Variants in PTPRN2 observed in about 807,000 individuals in gnomAD.
PTPRN2 encodes the protein receptor-type tyrosine-protein phosphatase N2.
Under a neutral mutation model 118.8 loss-of-function variants are expected in PTPRN2, and 74 were observed. The ratio of observed to expected loss-of-function variants is 0.62; its 90% CI spans 0.52 to 0.76. The LOEUF (loss-of-function observed/expected upper bound fraction) is 0.76, where lower values mean the gene tolerates loss of function less well. Ranked by LOEUF, PTPRN2 falls within the 30% of genes least tolerant of loss-of-function variation. The pLI, the probability that PTPRN2 is intolerant of heterozygous loss-of-function variation, is 0.00. For missense variants in PTPRN2, 1,481 were observed against 1,394.4 expected (o/e 1.06, Z -0.99); for synonymous variants, 641 against 608.0 (o/e 1.05, Z -0.80).
intron 1 of PTPRN2, among the ~76,000 whole-genome samples, chr7:158,540,970 C>T (rs762697708): frequency 3.3e-5 from 5 of 152,218 alleles, no homozygotes; most frequent in Non-Finnish European, 5.9e-5. Flanking sequence ...TCCCTACTAC[C>T]ACCTGCAGGA....
intron 5 of PTPRN2, among the ~76,000 whole-genome samples, chr7:158,190,774 C>T (rs546788713): frequency 1.0e-3 from 154 of 152,400 alleles, no homozygotes; most frequent in African/African-American, 3.7e-3. Context: ...CCCGTGGCCC[C>T]TGCATGGCTC....
At chr7:157,570,187 T>C (rs1208359574) in intron 20 of PTPRN2, among the ~76,000 whole-genome samples, 2 of 152,286 alleles carry the variant, frequency 1.3e-5, no homozygotes, top group Non-Finnish European at 2.9e-5. Context: ...ACTGCTCATT[T>C]CAAAGGGCCA....
At chr7:158,053,370 A>T (rs1430675612) in intron 11 of PTPRN2, among the ~76,000 whole-genome samples, 1 of 152,230 alleles carries the variant, frequency 6.6e-6, no homozygotes. Context: ...GGAAGGGCCC[A>T]GCATCCTCTC....
At chr7:158,143,585 G>C (rs1819592873) in intron 6 of PTPRN2, among the ~76,000 whole-genome samples, 1 of 152,194 alleles carries the variant, frequency 6.6e-6, no homozygotes, top group Non-Finnish European at 1.5e-5. Context: ...TGGTTGCTAA[G>C]GAAAGGTCCT....
At chr7:157,884,748 C>T (rs116307418) in intron 12 of PTPRN2, among the ~76,000 whole-genome samples, 2,584 of 152,252 alleles carry the variant, frequency 0.017, 55 homozygotes, top group African/African-American at 0.057. Context: ...TTGACTGTCA[C>T]GAGAACAGCA....
At chr7:157,910,303 G>T (rs1798021188) in intron 11 of PTPRN2, among the ~76,000 whole-genome samples, 1 of 150,502 alleles carries the variant, frequency 6.6e-6, no homozygotes, top group Non-Finnish European at 1.5e-5. Flanking sequence ...ACGCACGTAC[G>T]CCGTGGGGAC....
rs182281404 is a variant in PTPRN2, at chr7:157,611,564, C to T, written c.2345-7489G>A. On this transcript the variant is annotated intron_variant, in intron 15 of 22. Coordinates refer to ENST00000389418, the MANE Select transcript of PTPRN2 (RefSeq NM_002847.5). This position sits in a 1 kb window ranked among gnomAD's most constrained non-coding sequence, Gnocchi z 5.9. ...CACACTGGAGTCCCAGCCCTGGGAA[C>T]ATGACCTTATTTGGAAATAGGGTCT... Among the ~76,000 whole-genome samples, 5 of 152,286 alleles carry T rather than the reference C, an allele frequency of 3.3e-5. No individual in the cohort carries two copies. Among genetic ancestry groups the T allele is most frequent in the Non-Finnish European group, 5.9e-5 (4 of 68,026 alleles).
intron 3 of PTPRN2, among the ~76,000 whole-genome samples, chr7:158,274,068 G>C (rs1798756181): frequency 6.9e-6 from 1 of 144,364 alleles, no homozygotes; most frequent in Non-Finnish European, 1.5e-5. Context: ...GCAGGCACAG[G>C]GGGAGCCGCA....
At chr7:158,383,039 T>C (rs1869292) in intron 2 of PTPRN2, among the ~76,000 whole-genome samples, 134,564 of 152,118 alleles carry the variant, frequency 0.88, 60,899 homozygotes, top group Non-Finnish European at 0.97. Flanking sequence ...TATTGATAAA[T>C]GGCACACTCC....
chr7:158,068,595 C>T (rs1299504048), intron 11 of PTPRN2, among the ~76,000 whole-genome samples: 11 of 152,196 alleles, frequency 7.2e-5, no homozygotes, highest in Admixed American at 7.2e-4. Flanking sequence ...TGAATGTGAG[C>T]ACTCAGCCCA....
chr7:158,012,095 T>C (rs1806087709), intron 11 of PTPRN2, among the ~76,000 whole-genome samples: 1 of 152,180 alleles, frequency 6.6e-6, no homozygotes, highest in Non-Finnish European at 1.5e-5. Context: ...CGTCCTGAAA[T>C]TGTTGGATAA....
At chr7:158,110,770 C>A (rs936314323) in intron 10 of PTPRN2, 59 bp downstream of exon 10, 53 of 1,459,054 alleles carry the variant, frequency 3.6e-5, no homozygotes, top group Non-Finnish European at 4.6e-5. Context: ...TTCCCTCCCA[C>A]CCAGTCTCTG....
chr7:157,811,709 C>A (rs1164679508), intron 12 of PTPRN2, among the ~76,000 whole-genome samples: 6 of 152,246 alleles, frequency 3.9e-5, no homozygotes. Context: ...ACAGGCCGGC[C>A]CCTGTGCCGA....
In PTPRN2 at chr7:157,629,945, C is replaced by T. The variant is rs190418733; in HGVS notation, c.2197-8436G>A. Among the ~76,000 whole-genome samples the T allele has an allele frequency of 2.1e-3, 325 of 152,330 alleles. 1 individual carries two copies. Among genetic ancestry groups the T allele is most frequent in the African/African-American group, 7.4e-3 (308 of 41,572 alleles). ...AATGCTTTTAAAAGCAAGGACTAAG[C>T]TGCTTCCACTGCCACTTGGGGAAAT... On this transcript the variant is annotated intron_variant, in intron 14 of 22. Transcript: ENST00000389418. This position sits in a 1 kb window ranked among gnomAD's most constrained non-coding sequence, Gnocchi z 4.4.
chr7:158,487,577 T>C (rs1563349063), intron 2 of PTPRN2, among the ~76,000 whole-genome samples: 1 of 152,172 alleles, frequency 6.6e-6, no homozygotes, highest in Non-Finnish European at 1.5e-5. Context: ...TTCCTACACG[T>C]ACCTTAAGAA....
intron 12 of PTPRN2, among the ~76,000 whole-genome samples, chr7:157,781,220 C>T (rs969686931): frequency 2.0e-5 from 3 of 152,220 alleles, no homozygotes; most frequent in Admixed American, 6.5e-5. Context: ...TCCACGGCTG[C>T]TTTTGATTTG....
At chr7:158,463,712 A>G (rs529242643) in intron 2 of PTPRN2, among the ~76,000 whole-genome samples, 4 of 152,058 alleles carry the variant, frequency 2.6e-5, no homozygotes, top group Admixed American at 2.6e-4. Flanking sequence ...CATCCTTACC[A>G]TCGCCATCAT....
chr7:157,649,045 C>T (rs1322946961), intron 14 of PTPRN2, among the ~76,000 whole-genome samples: 2 of 138,252 alleles, frequency 1.4e-5, no homozygotes, highest in African/African-American at 2.7e-5. Context: ...GTGGGTTGGA[C>T]CCATCCAGCG....
Position 157,629,827 on chromosome 7 carries a change from A to C in PTPRN2, c.2197-8318T>G, listed in dbSNP as rs1008202212. Reference sequence around the variant, plus strand: ...CTTTAATTTACTGAACATTACAATCAAACCTTTTGTTAAAACGAATAATAG... The same window carrying C: ...CTTTAATTTACTGAACATTACAATCCAACCTTTTGTTAAAACGAATAATAG... On this transcript the variant is annotated intron_variant, in intron 14 of 22. Coordinates refer to ENST00000389418, the MANE Select transcript of PTPRN2 (RefSeq NM_002847.5). The surrounding 1 kb of genome is among the most constrained non-coding windows in gnomAD (Gnocchi z 4.4). Among the ~76,000 whole-genome samples, 8 of 152,218 alleles carry C rather than the reference A, an allele frequency of 5.3e-5. No homozygotes were observed. The highest frequency in any genetic ancestry group is 1.9e-4 in the African/African-American group (8 of 41,464).
Sources: allele counts gnomAD v4.1 joint callset (sites outside exome capture counted in the v4.1 genomes callset), GRCh38; gene constraint gnomAD v4.1.1; non-coding constraint Gnocchi (gnomAD v3.1); transcripts MANE v1.5; gene names NCBI Gene and HGNC (gene_info 2026-07-23, HGNC 2026-07-21).